The following ROBO2 variants were observed in gnomAD, a reference collection of about 807,000 sequenced individuals.
The protein encoded by ROBO2 is roundabout homolog 2.
ROBO2 carries 53 observed loss-of-function variants against 160.8 expected under a neutral mutation model. That is an observed-to-expected ratio of 0.33 (90% confidence interval 0.26 to 0.41). The LOEUF is 0.41. ROBO2 is among the 10% of genes least tolerant of loss of function. ROBO2 has a pLI of 1.00. For missense variants in ROBO2, 1,577 were observed against 1,722.4 expected, an observed-to-expected ratio of 0.92 and a Z score of 1.49; for synonymous variants, 664 against 611.7, an observed-to-expected ratio of 1.09 and a Z score of -1.26.
At chr3:76,702,143 T>G (rs1421455910) in intron 2 of ROBO2, among the ~76,000 whole-genome samples, 1 of 152,062 alleles carries the variant, frequency 6.6e-6, no homozygotes, top group Non-Finnish European at 1.5e-5. Context: ...CTTTAATTTT[T>G]TTTATATCTT....
chr3:77,467,891 GC>G (rs1227383389), intron 2 of ROBO2, among the ~76,000 whole-genome samples: 1 of 152,186 alleles, frequency 6.6e-6, no homozygotes, highest in Non-Finnish European at 1.5e-5. Context: ...AAAGACAGTT[GC>G]CTGTGGAGGA....
At chr3:76,095,200 C>A (rs1462935037) in intron 2 of ROBO2, among the ~76,000 whole-genome samples, 3 of 151,824 alleles carry the variant, frequency 2.0e-5, no homozygotes, top group African/African-American at 7.3e-5. Context: ...AAATATGGAA[C>A]TTTGTTGCTG....
intron 2 of ROBO2, among the ~76,000 whole-genome samples, chr3:77,208,859 T>C (rs1272661596): frequency 5.3e-5 from 8 of 152,138 alleles, no homozygotes; most frequent in Admixed American, 2.6e-4. Context: ...CCAGATGACA[T>C]TGGGCTGTGT....
At chr3:75,928,900 G>GACTTAAACCGT (rs1947401850) in intron 1 of ROBO2, among the ~76,000 whole-genome samples, 9 of 117,888 alleles carry the variant, frequency 7.6e-5, no homozygotes, top group Admixed American at 2.7e-4. Flanking sequence ...GTGTGTGTGT[G>GACTTAAACCGT]TGATAGCTGA....
Position 77,481,226 on chromosome 3 carries a change from C to T in ROBO2, c.667+7C>T. ...GCAGAGCTGACTGTCTTTGGTAAAA[C>T]TTTCTTCTAAATTATAAATTTTTAT... On this transcript the variant is annotated splice_region_variant and intron_variant, in intron 4 of 25. Transcript: ENST00000461745. 1 of 1,517,866 alleles carries T rather than the reference C, an allele frequency of 6.6e-7. No individual in the cohort carries two copies. The highest frequency in any genetic ancestry group is 2.5e-4 in the Middle Eastern group (1 of 4,040). 94.0% of individuals were successfully genotyped at this position (1,517,866 alleles called of 1,614,324 possible). A position where few individuals can be genotyped will look rare whatever the true frequency, so the allele number is the denominator to read the frequency against.
At position 77,082,677 on chromosome 3, in the gene ROBO2, T is replaced by G. The variant is rs1281794904; in HGVS notation, c.62-15337T>G. On this transcript the variant is annotated intron_variant, in intron 1 of 25. Transcript: ENST00000461745. ...CAATTTCTTTCAGTGTTTGGTACATTTGATTCAAATGCTACATAGTAACAT... is the reference window on the plus strand; with the variant it reads ...CAATTTCTTTCAGTGTTTGGTACATGTGATTCAAATGCTACATAGTAACAT... Among the ~76,000 whole-genome samples the G allele has an allele frequency of 2.0e-5, 3 of 151,316 alleles. 1 individual carries two copies. In the East Asian group the frequency reaches 5.8e-4, roughly 29 times the overall value.
At chr3:76,782,583 A>G (rs2062716039) in intron 2 of ROBO2, among the ~76,000 whole-genome samples, 1 of 150,824 alleles carries the variant, frequency 6.6e-6, no homozygotes, top group African/African-American at 2.4e-5. Flanking sequence ...ATATATTTAT[A>G]ATGGTAATGT....
chr3:76,935,680 C>T lies in ROBO2; in HGVS notation c.110-162334C>T, dbSNP rs1290271838. Among the ~76,000 whole-genome samples the T allele has an allele frequency of 2.0e-5, 3 of 152,246 alleles. No individual in the cohort carries two copies. The East Asian group carries it at 5.8e-4, about 29-fold the overall frequency. On this transcript the variant is annotated intron_variant, in intron 2 of 26. Transcript: ENST00000487694. Reference sequence around the variant, plus strand: ...GTCTGCTGACTACCACTTTCAGATTCACAGATGGTGCCTTCTAGCTGTGTT... The same window carrying T: ...GTCTGCTGACTACCACTTTCAGATTTACAGATGGTGCCTTCTAGCTGTGTT...
chr3:76,254,629 G>A (rs571703976), intron 2 of ROBO2, among the ~76,000 whole-genome samples: 1 of 152,030 alleles, frequency 6.6e-6, no homozygotes, highest in East Asian at 1.9e-4. Flanking sequence ...ACAGGTTGGA[G>A]AGGAAAGTAT....
At chr3:77,125,009 A>G (rs2075179312) in intron 2 of ROBO2, among the ~76,000 whole-genome samples, 1 of 151,818 alleles carries the variant, frequency 6.6e-6, no homozygotes, top group Admixed American at 6.6e-5. Context: ...ATATGATATG[A>G]TTATATCCTC....
chr3:77,356,148 G>A (rs1216334174), intron 2 of ROBO2, among the ~76,000 whole-genome samples: 2 of 152,086 alleles, frequency 1.3e-5, no homozygotes, highest in Non-Finnish European at 2.9e-5. Flanking sequence ...AAAATATTAT[G>A]CAACCATTAA....
chr3:76,086,858 A>T (rs2069035510), intron 2 of ROBO2, among the ~76,000 whole-genome samples: 1 of 152,148 alleles, frequency 6.6e-6, no homozygotes, highest in South Asian at 2.1e-4. Flanking sequence ...AAAAAGAATC[A>T]AAAAGAAGTA....
intron 2 of ROBO2, among the ~76,000 whole-genome samples, chr3:77,211,021 C>T (rs891711038): frequency 6.6e-6 from 1 of 152,160 alleles, no homozygotes; most frequent in Non-Finnish European, 1.5e-5. Flanking sequence ...CAAGTCTTTG[C>T]TATCGTGAAT....
chr3:76,783,337 A>C (rs993314389), intron 2 of ROBO2, among the ~76,000 whole-genome samples: 5 of 150,834 alleles, frequency 3.3e-5, no homozygotes, highest in Admixed American at 2.7e-4. Context: ...TGAGACTTTG[A>C]CTATATTTTT....
At chr3:76,270,795 G>A (rs911123421) in intron 2 of ROBO2, among the ~76,000 whole-genome samples, 2 of 152,024 alleles carry the variant, frequency 1.3e-5, no homozygotes, top group African/African-American at 4.8e-5. Context: ...ATAGTTTAGA[G>A]AATACTAAAT....
chr3:77,038,713 C>T (rs936546360), upstream of ROBO2, among the ~76,000 whole-genome samples: 2 of 152,222 alleles, frequency 1.3e-5, no homozygotes, highest in Non-Finnish European at 1.5e-5. Context: ...CCCGGCCGCA[C>T]CGGGGCACCG....
chr3:76,634,951 A>G (rs2090244363), intron 2 of ROBO2, among the ~76,000 whole-genome samples: 1 of 152,202 alleles, frequency 6.6e-6, no homozygotes, highest in African/African-American at 2.4e-5. Context: ...CAAGGGATCT[A>G]GGTTGCACAC....
intron 2 of ROBO2, among the ~76,000 whole-genome samples, chr3:76,991,382 G>A (rs142570037): frequency 6.6e-6 from 1 of 152,068 alleles, no homozygotes; most frequent in African/African-American, 2.4e-5. Flanking sequence ...CAATATCATC[G>A]CACAGTATGC....
At position 76,399,486 on chromosome 3, in the gene ROBO2, G is replaced by T. The variant is rs144451110; in HGVS notation, c.109+461884G>T. 7.1e-3 allele frequency among the ~76,000 whole-genome samples: 1,075 copies of T among 151,878 alleles called. 8 individuals are homozygous for T. Among genetic ancestry groups the T allele is most frequent in the African/African-American group, 0.025 (1,032 of 41,496 alleles). On this transcript the variant is annotated intron_variant, in intron 2 of 26. Coordinates refer to the ROBO2 transcript ENST00000487694. ...TACTATGATGTGAGAATACATGCCT[G>T]CTTTAGTACCCCTAAGAGCTTTCAA...
Sources: gnomAD v4.1 joint callset for allele counts (sites outside exome capture counted in the v4.1 genomes callset) on GRCh38, gnomAD v4.1.1 for gene constraint, MANE v1.5 for transcripts, NCBI Gene and HGNC (gene_info 2026-07-23, HGNC 2026-07-21) for gene names.